Variants in SUPT3H observed in about 807,000 individuals in gnomAD.
SUPT3H encodes SPT3 homolog, SAGA and STAGA complex component, also known as transcription initiation protein SPT3 homolog.
In SUPT3H, 44 loss-of-function variants were observed where a neutral mutation model predicts 44.3. That is an observed-to-expected ratio of 0.99 (90% CI 0.78 to 1.28). The LOEUF (loss-of-function observed/expected upper bound fraction) is 1.28. Ranked by LOEUF, SUPT3H falls within the 50% of genes most tolerant of loss-of-function variation. SUPT3H has a pLI of 0.00. For missense variants in SUPT3H, 380 were observed against 387.1 expected, an observed-to-expected ratio of 0.98 and a Z score of 0.15; for synonymous variants, 124 against 125.6, an observed-to-expected ratio of 0.99 and a Z score of 0.09.
intron 10 of SUPT3H, among the ~76,000 whole-genome samples, chr6:44,895,800 T>C (rs1164443430): frequency 6.6e-6 from 1 of 152,136 alleles, no homozygotes; most frequent in African/African-American, 2.4e-5. Context: ...ATTATTTTAC[T>C]GCTTTAATAG....
chr6:45,208,874 AGG>A (rs1763632830), intron 2 of SUPT3H, among the ~76,000 whole-genome samples: 1 of 24,964 alleles, frequency 4.0e-5, no homozygotes, highest in Non-Finnish European at 7.1e-5. Context: ...GGGGCTCATG[AGG>A]CTGATGACTT....
At chr6:44,997,626 A>C (rs1781442108) in intron 6 of SUPT3H, among the ~76,000 whole-genome samples, 1 of 151,910 alleles carries the variant, frequency 6.6e-6, no homozygotes, top group South Asian at 2.1e-4. Flanking sequence ...CATAATGATA[A>C]ATTTTTGTCT....
At chr6:45,015,452 T>A (rs1784103879) in intron 4 of SUPT3H, among the ~76,000 whole-genome samples, 1 of 152,140 alleles carries the variant, frequency 6.6e-6, no homozygotes, top group Non-Finnish European at 1.5e-5. Flanking sequence ...GTTGAGTCCA[T>A]GAATGAGTGG....
At chr6:44,900,840 C>G (rs1032042749) in intron 10 of SUPT3H, among the ~76,000 whole-genome samples, 4 of 152,206 alleles carry the variant, frequency 2.6e-5, no homozygotes, top group Non-Finnish European at 4.4e-5. Context: ...GAGGAACGAT[C>G]AGGCAGCAAC....
At chr6:45,109,844 C>A (rs1421596721) in intron 2 of SUPT3H, among the ~76,000 whole-genome samples, 1 of 151,984 alleles carries the variant, frequency 6.6e-6, no homozygotes, top group African/African-American at 2.4e-5. Context: ...GATTTTTTTC[C>A]CCTTTGAAGA....
intron 2 of SUPT3H, among the ~76,000 whole-genome samples, chr6:45,195,121 T>A (rs1340750467): frequency 1.3e-5 from 2 of 152,028 alleles, no homozygotes; most frequent in Non-Finnish European, 2.9e-5. Context: ...TGTGGCAGGA[T>A]AATGGAAAAG....
At chr6:45,277,055 A>G (rs958504302) in intron 2 of SUPT3H, among the ~76,000 whole-genome samples, 15 of 152,280 alleles carry the variant, frequency 9.9e-5, no homozygotes, top group African/African-American at 3.6e-4. Context: ...AATATATTAA[A>G]CCATTTAATC....
At chr6:44,884,896 C>A (rs769417602) in intron 10 of SUPT3H, among the ~76,000 whole-genome samples, 7 of 152,226 alleles carry the variant, frequency 4.6e-5, no homozygotes, top group Non-Finnish European at 7.4e-5. Flanking sequence ...CCTCGAAAAT[C>A]GGGTCACTCC....
chr6:44,953,446 T>C (rs961981575), intron 8 of SUPT3H, 29 bp from the exon 9 acceptor site: 12 of 1,570,952 alleles, frequency 7.6e-6, no homozygotes, highest in Admixed American at 5.0e-5. Flanking sequence ...GAAAGTCACA[T>C]AGCTAGAAAT....
intron 2 of SUPT3H, among the ~76,000 whole-genome samples, chr6:45,339,041 AAATAAG>A (rs1182392560): frequency 6.6e-6 from 1 of 152,186 alleles, no homozygotes; most frequent in Non-Finnish European, 1.5e-5. Flanking sequence ...GAAAAATTAA[AAATAAG>A]AATATTTACA....
Position 44,976,361 on chromosome 6 carries a change from T to G in SUPT3H, c.505-14533A>C, listed in dbSNP as rs185185056. Among the ~76,000 whole-genome samples the G allele has an allele frequency of 2.0e-5, 3 of 149,132 alleles. No homozygotes were observed. The East Asian group carries it at 6.2e-4, about 31-fold the overall frequency. ...AATGTCTACACATTTGGAAAATTAA[T>G]GTCTTTTTTTTTTTTCTTGAGACAG... On this transcript the variant is annotated intron_variant, in intron 6 of 10. Transcript: ENST00000371459.
chr6:44,846,953 CTA>C (rs1192869493), intron 10 of SUPT3H, among the ~76,000 whole-genome samples: 8 of 152,158 alleles, frequency 5.3e-5, no homozygotes, highest in Non-Finnish European at 8.8e-5. Context: ...TTTTTGAAGA[CTA>C]AAACAATTTC....
chr6:44,991,038 G>A (rs745875803), intron 6 of SUPT3H, among the ~76,000 whole-genome samples: 4 of 151,916 alleles, frequency 2.6e-5, no homozygotes, highest in Non-Finnish European at 5.9e-5. Context: ...GCAGCTCAAC[G>A]AATCCATTAG....
intron 2 of SUPT3H, among the ~76,000 whole-genome samples, chr6:45,363,225 A>G (rs1177966007): frequency 6.6e-6 from 1 of 152,214 alleles, no homozygotes; most frequent in Non-Finnish European, 1.5e-5. Flanking sequence ...GGTATGGTAC[A>G]GTAAAAAATT....
At chr6:44,940,733 C>T (rs1428939432) in intron 9 of SUPT3H, among the ~76,000 whole-genome samples, 1 of 152,128 alleles carries the variant, frequency 6.6e-6, no homozygotes, top group Non-Finnish European at 1.5e-5. Flanking sequence ...TTTCATGAAT[C>T]TGAGCCTTCC....
intron 2 of SUPT3H, among the ~76,000 whole-genome samples, chr6:45,279,635 G>A (rs1777616498): frequency 1.3e-5 from 2 of 152,272 alleles, no homozygotes; most frequent in East Asian, 1.9e-4. Context: ...AAGAAGTCAA[G>A]CAGATGCTGC....
intron 2 of SUPT3H, among the ~76,000 whole-genome samples, chr6:45,282,996 G>T (rs143610066): frequency 6.6e-6 from 1 of 152,104 alleles, no homozygotes; most frequent in Non-Finnish European, 1.5e-5. Context: ...AGCTTCATAA[G>T]TGAAGGAGAA....
intron 10 of SUPT3H, among the ~76,000 whole-genome samples, chr6:44,880,553 A>G (rs1199175959): frequency 6.6e-6 from 1 of 152,216 alleles, no homozygotes; most frequent in African/African-American, 2.4e-5. Flanking sequence ...GCAGGCCAAC[A>G]TTCAAATTCT....
At chr6:44,868,492 T>C (rs1015818743) in intron 10 of SUPT3H, among the ~76,000 whole-genome samples, 7 of 152,184 alleles carry the variant, frequency 4.6e-5, no homozygotes, top group Admixed American at 2.6e-4. Context: ...TGTGACAAGG[T>C]AGTCATCTGC....
Sources: allele counts gnomAD v4.1 joint callset (sites outside exome capture counted in the v4.1 genomes callset), GRCh38; gene constraint gnomAD v4.1.1; transcripts MANE v1.5; gene names NCBI Gene and HGNC (gene_info 2026-07-23, HGNC 2026-07-21).